The following MEF2A variants were observed in gnomAD, a reference collection of about 807,000 sequenced individuals.
MEF2A encodes myocyte-specific enhancer factor 2A.
MEF2A carries 28 observed loss-of-function variants against 55.8 expected under a neutral mutation model. The ratio of observed to expected loss-of-function variants is 0.50; its 90% CI spans 0.37 to 0.69. MEF2A has a LOEUF of 0.69. MEF2A is among the 30% of genes least tolerant of loss of function. The pLI is 0.00. For missense variants in MEF2A, 528 were observed against 626.2 expected, an observed-to-expected ratio of 0.84 and a Z score of 1.67; for synonymous variants, 239 against 227.1, an observed-to-expected ratio of 1.05 and a Z score of -0.47.
At chr15:99,705,673 C>T (rs2057953392) in intron 9 of MEF2A, among the ~76,000 whole-genome samples, 1 of 152,162 alleles carries the variant, frequency 6.6e-6, no homozygotes, top group Non-Finnish European at 1.5e-5. Context: ...CTACATCTAG[C>T]CAAAGGCCTT....
chr15:99,597,689 C>T (rs1166061630), intron 1 of MEF2A, among the ~76,000 whole-genome samples: 1 of 152,162 alleles, frequency 6.6e-6, no homozygotes, highest in Non-Finnish European at 1.5e-5. Flanking sequence ...ACGGAACCTA[C>T]CGACATGTGA....
chr15:99,664,897 T>C (rs931058428), intron 4 of MEF2A, among the ~76,000 whole-genome samples: 2 of 152,158 alleles, frequency 1.3e-5, no homozygotes, highest in Non-Finnish European at 1.5e-5. Flanking sequence ...AATGAACATA[T>C]TAGAGATTTT....
At chr15:99,668,640 C>CA (rs1425520558) in intron 4 of MEF2A, among the ~76,000 whole-genome samples, 1 of 148,818 alleles carries the variant, frequency 6.7e-6, no homozygotes, top group Non-Finnish European at 1.5e-5. Flanking sequence ...GCAGATCTCT[C>CA]ATAGTGGTGA....
intron 8 of MEF2A, among the ~76,000 whole-genome samples, chr15:99,697,402 A>G (rs1439172543): frequency 1.3e-5 from 2 of 152,252 alleles, no homozygotes; most frequent in South Asian, 4.1e-4. Flanking sequence ...TGCAGGGTAC[A>G]AAGTTAATAT....
At position 99,645,624 on chromosome 15, in the gene MEF2A, G is replaced by A; in HGVS notation, c.118G>A (p.Asp40Asn). The A allele has an allele frequency of 6.2e-7, 1 of 1,613,730 alleles. No homozygotes were observed. Among genetic ancestry groups the A allele is most frequent in the Non-Finnish European group, 8.5e-7 (1 of 1,179,740 alleles). ...KKAYELSVLC[D>N]CEIALIIFNS... ...AGCCTATGAACTTAGTGTGCTCTGT[G>A]ACTGTGAAATAGCACTCATCATTTT... is the stretch of plus-strand genomic sequence containing the variant. Residue 40 changes from aspartate (D) to asparagine (N), a missense_variant, in exon 4 of 12, where the codon GAC becomes AAC. Physicochemically the swap from Asp to Asn is conservative, Grantham distance 23 (BLOSUM62 1). Coordinates refer to ENST00000557942, the MANE Select transcript of MEF2A (RefSeq NM_001319206.4).
chr15:99,634,661 A>G (rs145543520), intron 3 of MEF2A, among the ~76,000 whole-genome samples: 1,725 of 152,306 alleles, frequency 0.011, 42 homozygotes, highest in African/African-American at 0.038. Flanking sequence ...TGTAGAGAGA[A>G]AGAGCAGCTA....
chr15:99,699,445 A>T (rs1404021662), intron 8 of MEF2A, among the ~76,000 whole-genome samples: 1 of 152,154 alleles, frequency 6.6e-6, no homozygotes, highest in Non-Finnish European at 1.5e-5. Context: ...GAGGTGATGG[A>T]ACTAATCTGT....
chr15:99,711,698 C>T (rs2058657751), intron 11 of MEF2A, among the ~76,000 whole-genome samples: 1 of 152,324 alleles, frequency 6.6e-6, no homozygotes, highest in East Asian at 1.9e-4. Context: ...GAAGTAACTG[C>T]ACAGTGAGGA....
In MEF2A at chr15:99,595,717, G is replaced by T. The variant is rs540033116; in HGVS notation, c.-224-2713G>T. Among the ~76,000 whole-genome samples, 6 of 152,320 alleles carry T rather than the reference G, an allele frequency of 3.9e-5. No individual in the cohort carries two copies. In the South Asian group the frequency reaches 6.2e-4, roughly 16 times the overall value. ...ATAATTTTACCCCCTGGGAGTGATG[G>T]TGATAGTTAAGGTGTACTGAAGATG... On this transcript the variant is annotated intron_variant, in intron 1 of 11. Coordinates refer to ENST00000557942, the MANE Select transcript of MEF2A (RefSeq NM_001319206.4).
At chr15:99,666,723 G>A (rs992898561) in intron 4 of MEF2A, among the ~76,000 whole-genome samples, 2 of 151,998 alleles carry the variant, frequency 1.3e-5, no homozygotes, top group Non-Finnish European at 2.9e-5. Flanking sequence ...TTTGATTTGG[G>A]CATTTACAAC....
chr15:99,709,832 A>G (rs2058423692), intron 10 of MEF2A, among the ~76,000 whole-genome samples: 1 of 152,180 alleles, frequency 6.6e-6, no homozygotes, highest in Non-Finnish European at 1.5e-5. Flanking sequence ...TTTTTTCATG[A>G]AGTTGAAACT....
chr15:99,679,651 CT>C (rs2052832165), intron 7 of MEF2A, among the ~76,000 whole-genome samples: 1 of 152,178 alleles, frequency 6.6e-6, no homozygotes, highest in South Asian at 2.1e-4. Context: ...ATGGAAACTT[CT>C]GGGGTTCTGG....
intron 4 of MEF2A, among the ~76,000 whole-genome samples, chr15:99,649,746 G>A (rs1485486547): frequency 1.3e-5 from 2 of 152,108 alleles, no homozygotes; most frequent in Non-Finnish European, 2.9e-5. Context: ...ACATGCATAT[G>A]TGTGTAATTT....
rs781586739 is a variant in MEF2A, at chr15:99,674,385, A to T, written c.391-8A>T. 1 of 1,584,950 alleles carries T rather than the reference A, an allele frequency of 6.3e-7. No homozygotes were observed. Among genetic ancestry groups the T allele is most frequent in the Non-Finnish European group, 8.6e-7 (1 of 1,162,540 alleles). On this transcript the variant is annotated splice_polypyrimidine_tract_variant and splice_region_variant and intron_variant, in intron 5 of 11. Coordinates refer to ENST00000557942, the MANE Select transcript of MEF2A (RefSeq NM_001319206.4). Reference sequence around the variant, plus strand: ...AACAGTTTTTTCCTTCTTTTTCTTTATTTACAGCCTGGTCTGCCACCTCAG... The same window carrying T: ...AACAGTTTTTTCCTTCTTTTTCTTTTTTTACAGCCTGGTCTGCCACCTCAG...
In MEF2A at chr15:99,714,494, T is replaced by C. The variant is rs1328205604; in HGVS notation, c.*1723T>C. On this transcript the variant is annotated 3_prime_UTR_variant, in exon 12 of 12. Transcript: ENST00000557942. ...TGCACATTGCAGTGATGCTTTGGTA[T>C]GCGGGGAGAAACACTCTTAGGGTGC... 6.6e-6 allele frequency: 1 copy of C among 152,158 alleles called. No individual in the cohort carries two copies. The highest frequency in any genetic ancestry group is 1.5e-5 in the Non-Finnish European group (1 of 68,034). The allele number at this position is 152,158 out of a possible 1,614,324, so 9.4% of individuals were successfully genotyped here. A position where few individuals can be genotyped will look rare whatever the true frequency, so the allele number is the denominator to read the frequency against.
At chr15:99,688,160 C>T (rs1490563120) in intron 7 of MEF2A, among the ~76,000 whole-genome samples, 5 of 152,184 alleles carry the variant, frequency 3.3e-5, no homozygotes, top group Non-Finnish European at 7.3e-5. Context: ...TATAAATGCA[C>T]ATTATATGTT....
intron 3 of MEF2A, among the ~76,000 whole-genome samples, chr15:99,639,115 C>G (rs2044425233): frequency 1.3e-5 from 2 of 152,120 alleles, no homozygotes; most frequent in Admixed American, 1.3e-4. Flanking sequence ...GAGAACGATA[C>G]TTCAAGGTTT....
chr15:99,686,329 G>A (rs2054204744), intron 7 of MEF2A, among the ~76,000 whole-genome samples: 2 of 151,990 alleles, frequency 1.3e-5, no homozygotes, highest in Non-Finnish European at 1.5e-5. Context: ...GGCCCTGTGA[G>A]ATTTATGATT....
intron 1 of MEF2A, among the ~76,000 whole-genome samples, chr15:99,572,220 AG>A (rs1360718821): frequency 5.3e-5 from 8 of 152,260 alleles, no homozygotes; most frequent in African/African-American, 1.9e-4. Context: ...TCAGCCACGA[AG>A]GCCTCTCAGT....
Sources: allele counts gnomAD v4.1 joint callset (sites outside exome capture counted in the v4.1 genomes callset), GRCh38; gene constraint gnomAD v4.1.1; transcripts MANE v1.5; gene names NCBI Gene and HGNC (gene_info 2026-07-23, HGNC 2026-07-21).